The following ZFP90 variants were observed in gnomAD, a reference collection of about 807,000 sequenced individuals.
ZFP90 encodes zinc finger protein 90 homolog.
Under a neutral mutation model 60.8 loss-of-function variants are expected in ZFP90, and 38 were observed. The observed-to-expected ratio is 0.62, with a 90% CI of 0.48 to 0.82. ZFP90 has a LOEUF of 0.82. Ranked by LOEUF, ZFP90 falls within the 40% of genes least tolerant of loss-of-function variation. The pLI is 0.00. For synonymous variants in ZFP90, 287 were observed against 264.8 expected, an observed-to-expected ratio of 1.08 and a Z score of -0.82; for missense variants, 711 against 759.1, an observed-to-expected ratio of 0.94 and a Z score of 0.74.
chr16:68,572,659 A>G (rs149946120), intron 2 of ZFP90, among the ~76,000 whole-genome samples: 124 of 152,190 alleles, frequency 8.1e-4, no homozygotes, highest in African/African-American at 2.9e-3. Flanking sequence ...GGGGTGGGGG[A>G]CTTGGGCACC....
At chr16:68,562,745 A>G in intron 4 of ZFP90, 1 of 557,772 alleles carries the variant, frequency 1.8e-6, no homozygotes, top group Non-Finnish European at 3.2e-6. Flanking sequence ...ATGGGCTGTG[A>G]TCCTGTTCCA....
At chr16:68,538,631 A>G (rs1613254), upstream of ZFP90, among the ~76,000 whole-genome samples, 116,248 of 151,722 alleles carry the variant, frequency 0.77, 44,631 homozygotes, top group East Asian at 0.82. Context: ...GCTTGAACCC[A>G]GGAGGCGGAG....
At chr16:68,544,183 T>A (rs998520610) in intron 2 of ZFP90, among the ~76,000 whole-genome samples, 3 of 152,194 alleles carry the variant, frequency 2.0e-5, no homozygotes, top group Non-Finnish European at 4.4e-5. Flanking sequence ...TGTACTACAT[T>A]TTTAGTTAGG....
At chr16:68,559,534 G>A (rs1377072757) in intron 4 of ZFP90, among the ~76,000 whole-genome samples, 1 of 151,394 alleles carries the variant, frequency 6.6e-6, no homozygotes, top group Non-Finnish European at 1.5e-5. Flanking sequence ...TCTACTGGTG[G>A]CACTGTAAAC....
chr16:68,547,538 C>T (rs2091172071), intron 2 of ZFP90, among the ~76,000 whole-genome samples: 1 of 152,012 alleles, frequency 6.6e-6, no homozygotes, highest in Non-Finnish European at 1.5e-5. Context: ...TCCTTAGGAC[C>T]TCTGTATTTG....
intron 4 of ZFP90, among the ~76,000 whole-genome samples, chr16:68,558,873 C>T (rs1413525747): frequency 6.6e-6 from 1 of 152,128 alleles, no homozygotes; most frequent in Non-Finnish European, 1.5e-5. Context: ...TTGTGTTGAT[C>T]TCCCCCATCT....
At chr16:68,573,720 GCAT>G (rs1353170468) in intron 2 of ZFP90, 6 of 152,294 alleles carry the variant, frequency 3.9e-5, no homozygotes, top group East Asian at 1.9e-4. Context: ...AAGCCCACTG[GCAT>G]CATCATACAT....
intron 1 of ZFP90, among the ~76,000 whole-genome samples, chr16:68,533,543 G>C (rs554685441): frequency 2.4e-4 from 37 of 152,280 alleles, no homozygotes; most frequent in Middle Eastern, 3.4e-3. Flanking sequence ...CCATTTGAAA[G>C]ACACCCAACT....
chr16:68,539,500 C>T (rs968847245), intron 1 of ZFP90, 21 bp downstream of exon 1: 9 of 465,196 alleles, frequency 1.9e-5, no homozygotes, highest in South Asian at 1.2e-4. Context: ...CTGGGCGGGA[C>T]CCCTCCTGGG....
intron 2 of ZFP90, among the ~76,000 whole-genome samples, chr16:68,540,970 A>C (rs1466081152): frequency 1.4e-5 from 2 of 146,156 alleles, no homozygotes; most frequent in Non-Finnish European, 1.5e-5. Context: ...GTACAGTGAC[A>C]TGATCTTGGC....
At position 68,539,853 on chromosome 16, in the gene ZFP90, G is replaced by A. The variant is rs1388323903; in HGVS notation, c.33+28G>A. On this transcript the variant is annotated intron_variant, in intron 2 of 4. Coordinates refer to ENST00000563169, the MANE Select transcript of ZFP90 (RefSeq NM_001305203.2). ...GAGCAACGCGTTCCTAACCTCCTGG[G>A]CATCCCATCCATCTATCCATCCCAT... 7 of 1,603,022 alleles carry A rather than the reference G, an allele frequency of 4.4e-6. No homozygotes were observed. The East Asian group carries it at 1.3e-4, about 31-fold the overall frequency.
chr16:68,540,608 T>C (rs1348283805), intron 2 of ZFP90, among the ~76,000 whole-genome samples: 3 of 152,086 alleles, frequency 2.0e-5, no homozygotes, highest in Non-Finnish European at 4.4e-5. Context: ...ATCTACATTC[T>C]CTTTAGAATT....
chr16:68,564,059 C>T lies in ZFP90; in HGVS notation c.1272C>T (p.Ser424=). 1 of 1,614,064 alleles carries T rather than the reference C, an allele frequency of 6.2e-7. No homozygotes were observed. Among genetic ancestry groups the T allele is most frequent in the Non-Finnish European group, 8.5e-7 (1 of 1,180,014 alleles). The change falls in exon 5 of 5, where the codon AGC becomes AGT. Residue 424 remains serine (S), a synonymous_variant. Coordinates refer to ENST00000563169, the MANE Select transcript of ZFP90 (RefSeq NM_001305203.2). ...RIHKRGKPYQ[S]SNYSIDFKHS... ...ATAAGAGAGGCAAACCTTACCAAAG[C>T]AGTAACTACAGCATAGATTTCAAGC...
intron 2 of ZFP90, among the ~76,000 whole-genome samples, chr16:68,534,229 C>CTTTTTTTTTTT (rs1555496914): frequency 7.4e-6 from 1 of 135,148 alleles, no homozygotes. Context: ...GATTTTCTTT[C>CTTTTTTTTTTT]TTTCTTTTTT....
chr16:68,558,313 A>G (rs2091380442), intron 3 of ZFP90, 160 bp from the exon 4 acceptor site: 1 of 1,147,440 alleles, frequency 8.7e-7, no homozygotes, highest in African/African-American at 1.5e-5. Context: ...TTTATTTTGC[A>G]AAACTGGAAA....
chr16:68,551,819 C>T (rs922409639), intron 2 of ZFP90, among the ~76,000 whole-genome samples: 4 of 151,982 alleles, frequency 2.6e-5, no homozygotes, highest in Non-Finnish European at 5.9e-5. Flanking sequence ...AGTGCAGTGG[C>T]GTGATCTCGG....
Position 68,566,170 on chromosome 16 carries a change from T to C in ZFP90, c.*1472T>C, listed in dbSNP as rs2091523699. On this transcript the variant is annotated 3_prime_UTR_variant, in exon 5 of 5. Coordinates refer to ENST00000563169, the MANE Select transcript of ZFP90 (RefSeq NM_001305203.2). ...TAGTTGTATAATGCTTTTCTATTAG[T>C]AAAGCATCAGCTAAGCTTCAGTGGC... The C allele has an allele frequency of 2.0e-6, 2 of 985,470 alleles. No individual in the cohort carries two copies. The highest frequency in any genetic ancestry group is 3.5e-5 in the African/African-American group (2 of 57,302). The allele number at this position is 985,470 out of a possible 1,614,324, so 61.0% of individuals were successfully genotyped here.
intron 1 of ZFP90, 126 bp downstream of exon 1, chr16:68,539,605 T>G: frequency 1.7e-6 from 1 of 600,530 alleles, no homozygotes; most frequent in Non-Finnish European, 2.8e-6. Context: ...AGCCTTTCAT[T>G]TCGGGGATGG....
intron 2 of ZFP90, among the ~76,000 whole-genome samples, chr16:68,540,718 G>A (rs2091027873): frequency 6.8e-6 from 1 of 146,840 alleles, no homozygotes; most frequent in Middle Eastern, 3.3e-3. Context: ...ACACCTGTAA[G>A]TCCAGCACTT....
Sources: gnomAD v4.1 joint callset for allele counts (sites outside exome capture counted in the v4.1 genomes callset) on GRCh38, gnomAD v4.1.1 for gene constraint, MANE v1.5 for transcripts, NCBI Gene and HGNC (gene_info 2026-07-23, HGNC 2026-07-21) for gene names.